ARHGAP18: variants seen among roughly 807,000 people sequenced by gnomAD.
The protein encoded by ARHGAP18 is rho GTPase-activating protein 18.
A neutral mutation model predicts 86.2 loss-of-function variants in ARHGAP18; 67 were observed. The ratio of observed to expected loss-of-function variants is 0.78; its 90% CI spans 0.64 to 0.95. ARHGAP18 has a LOEUF of 0.95. ARHGAP18 is among the 40% of genes least tolerant of loss of function. The pLI is 0.00. For synonymous variants in ARHGAP18, 283 were observed against 280.4 expected, an observed-to-expected ratio of 1.01 and a Z score of -0.09; for missense variants, 691 against 780.4, an observed-to-expected ratio of 0.89 and a Z score of 1.37.
At chr6:129,655,042 C>G (rs866768974) in intron 1 of ARHGAP18, among the ~76,000 whole-genome samples, 1 of 152,064 alleles carries the variant, frequency 6.6e-6, no homozygotes, top group Non-Finnish European at 1.5e-5. Context: ...GAGGCTCGGC[C>G]GGGTGCGGTG....
chr6:129,638,630 C>CT lies in ARHGAP18; in HGVS notation c.317-2dup. 1.2e-6 allele frequency: 2 copies of CT among 1,610,936 alleles called. No individual in the cohort carries two copies. Among genetic ancestry groups the CT allele is most frequent in the Non-Finnish European group, 1.7e-6 (2 of 1,179,040 alleles). ...AGCCACTCTTCTTCCAATTCTCCCT[C>CT]TAAGACAGTAGAGAAAAGTGGTACT... On this transcript the variant is annotated splice_acceptor_variant, in intron 2 of 14. Coordinates refer to ENST00000368149, the MANE Select transcript of ARHGAP18 (RefSeq NM_033515.3). LOFTEE classifies it high-confidence loss of function.
chr6:129,628,667 A>G (rs541037232), intron 5 of ARHGAP18, among the ~76,000 whole-genome samples: 2 of 152,308 alleles, frequency 1.3e-5, no homozygotes, highest in South Asian at 2.1e-4. Flanking sequence ...CTAAAAATGT[A>G]TAACTTGAAT....
intron 5 of ARHGAP18, among the ~76,000 whole-genome samples, chr6:129,625,940 T>TTA (rs1214132836): frequency 1.2e-3 from 94 of 81,268 alleles, no homozygotes; most frequent in African/African-American, 3.9e-3. Flanking sequence ...ATATTATATA[T>TTA]TATATATTTA....
chr6:129,707,341 A>C (rs1774817657), intron 1 of ARHGAP18, among the ~76,000 whole-genome samples: 1 of 152,266 alleles, frequency 6.6e-6, no homozygotes, highest in South Asian at 2.1e-4. Flanking sequence ...ATTGGATTAA[A>C]TATTTCAAAG....
chr6:129,607,854 A>G (rs13212618), intron 9 of ARHGAP18, 39 bp downstream of exon 9: 6 of 1,542,560 alleles, frequency 3.9e-6, no homozygotes, highest in Non-Finnish European at 4.4e-6. Flanking sequence ...CATAGATGGC[A>G]CCAGCAGAAG....
rs1788341940 is a variant in ARHGAP18, at chr6:129,584,055, T to C, written c.1771A>G (p.Met591Val). 2 of 1,613,606 alleles carry C rather than the reference T, an allele frequency of 1.2e-6. 1 individual carries two copies. The highest frequency in any genetic ancestry group is 2.2e-5 in the South Asian group (2 of 91,084). Reference protein sequence around the residue: ...VQAPHLSKVSMAIQLTEELKA... With the variant: ...VQAPHLSKVSVAIQLTEELKA... ...AGTTCTTCAGTTAGCTGTATTGCCATGGAAACTTTCGAAAGATGGGGAGCT... is the reference window on the plus strand; with the variant it reads ...AGTTCTTCAGTTAGCTGTATTGCCACGGAAACTTTCGAAAGATGGGGAGCT... The change falls in exon 13 of 15, where the codon ATG (methionine) becomes GTG (valine). Residue 591 changes from methionine to valine, a missense_variant. Met to Val is a conservative substitution (Grantham distance 21, BLOSUM62 1). Coordinates refer to ENST00000368149, the MANE Select transcript of ARHGAP18 (RefSeq NM_033515.3).
intron 12 of ARHGAP18, among the ~76,000 whole-genome samples, chr6:129,594,426 G>A (rs1299952798): frequency 6.6e-6 from 1 of 151,960 alleles, no homozygotes; most frequent in Non-Finnish European, 1.5e-5. Flanking sequence ...CTTCTTGAAT[G>A]GCCCATACTT....
At position 129,710,115 on chromosome 6, in the gene ARHGAP18, G is replaced by A; in HGVS notation, c.22C>T (p.Gln8Ter). 1 of 1,613,676 alleles carries A rather than the reference G, an allele frequency of 6.2e-7. No individual in the cohort carries two copies. Among genetic ancestry groups the A allele is most frequent in the Non-Finnish European group, 8.5e-7 (1 of 1,179,734 alleles). The stretch of plus-strand genomic sequence containing the variant: ...TGGTAGGCTGTTAGTACCACTCCCT[G>A]GGAACTGGAGAGCCAGCTCATGGTG... MSWLSSS[Q>*]GVVLTAYHPS... is the part of the protein sequence containing the mutation. Residue 8 changes from glutamine (Q) to a stop codon, truncating the protein, a stop_gained, in exon 1 of 15, where the codon CAG becomes TAG. Transcript: ENST00000368149. LOFTEE classifies it high-confidence loss of function.
intron 7 of ARHGAP18, among the ~76,000 whole-genome samples, chr6:129,615,286 A>G (rs971382527): frequency 3.3e-5 from 5 of 152,226 alleles, no homozygotes; most frequent in African/African-American, 1.2e-4. Flanking sequence ...TTCTGCATGC[A>G]GTGGCTAAAA....
chr6:129,623,006 CAAAAAAAAAAA>C (rs57274879), intron 5 of ARHGAP18, among the ~76,000 whole-genome samples: 880 of 39,758 alleles, frequency 0.022, 21 homozygotes, highest in African/African-American at 0.051. Context: ...CATCTCAAAA[CAAAAAAAAAAA>C]AAAAAAAAAA....
At chr6:129,661,688 T>C (rs547400051) in intron 1 of ARHGAP18, among the ~76,000 whole-genome samples, 2 of 152,198 alleles carry the variant, frequency 1.3e-5, no homozygotes, top group African/African-American at 2.4e-5. Flanking sequence ...TCTAAGAAGA[T>C]TTCCAGCTGT....
chr6:129,669,464 G>C (rs1275649970), intron 1 of ARHGAP18, among the ~76,000 whole-genome samples: 2 of 144,816 alleles, frequency 1.4e-5, no homozygotes, highest in South Asian at 5.1e-4. Flanking sequence ...GAGCCACCGC[G>C]CCCGGCCCTA....
At position 129,709,437 on chromosome 6, in the gene ARHGAP18, C is replaced by A. The variant is rs545408389; in HGVS notation, c.113+587G>T. 1.3e-4 allele frequency among the ~76,000 whole-genome samples: 20 copies of A among 152,326 alleles called. 2 individuals carry two copies. The highest frequency in any genetic ancestry group is 4.6e-4 in the African/African-American group (19 of 41,566). On this transcript the variant is annotated intron_variant, in intron 1 of 14. Coordinates refer to ENST00000368149, the MANE Select transcript of ARHGAP18 (RefSeq NM_033515.3). The stretch of plus-strand genomic sequence containing the variant: ...TTTCACTCCAGCAGCAGAGTGCTAT[C>A]TCCTGACAAAAACTCCTTTTTGAAA...
intron 7 of ARHGAP18, 94 bp downstream of exon 7, chr6:129,616,118 T>C (rs1008763609): frequency 2.2e-5 from 22 of 981,412 alleles, no homozygotes; most frequent in South Asian, 4.8e-5. Context: ...TGACAGTATA[T>C]GAATTGGAAA....
In ARHGAP18 at chr6:129,625,079, TATG is replaced by T. The variant is rs1475549578; in HGVS notation, c.786+4271_786+4273del. Among the ~76,000 whole-genome samples, 5 of 102,750 alleles carry T rather than the reference TATG, an allele frequency of 4.9e-5. 1 individual carries two copies. Among genetic ancestry groups the T allele is most frequent in the Non-Finnish European group, 9.0e-5 (5 of 55,688 alleles). The allele number at this position is 102,750 out of a possible 152,430, so 67.4% of individuals were successfully genotyped here. A position where few individuals can be genotyped will look rare whatever the true frequency, so the allele number is the denominator to read the frequency against. The stretch of plus-strand genomic sequence containing the variant: ...TTGATATATATTTATATATAATATA[TATG>T]ATATATGATATATGATATATATTAT... On this transcript the variant is annotated intron_variant, in intron 5 of 14. Coordinates refer to ENST00000368149, the MANE Select transcript of ARHGAP18 (RefSeq NM_033515.3).
At chr6:129,679,762 C>T (rs1455874088) in intron 1 of ARHGAP18, among the ~76,000 whole-genome samples, 5 of 152,212 alleles carry the variant, frequency 3.3e-5, no homozygotes, top group Non-Finnish European at 7.3e-5. Context: ...GCATTGGTTT[C>T]ATGTGGCTGC....
rs12176122 is a variant in ARHGAP18 at position 129,695,456 on chromosome 6, G to A, written c.113+14568C>T. Among the ~76,000 whole-genome samples, 5 of 152,290 alleles carry A rather than the reference G, an allele frequency of 3.3e-5. No individual in the cohort carries two copies. In the East Asian group the frequency reaches 9.6e-4, roughly 29 times the overall value. On this transcript the variant is annotated intron_variant, in intron 1 of 14. Transcript: ENST00000368149. ...GATTAACAAAGTATTAGTCTCTCCT[G>A]AGATGTGTAAATAGCTATAAGAATG...
At chr6:129,587,352 G>A (rs984243599) in intron 12 of ARHGAP18, among the ~76,000 whole-genome samples, 8 of 152,176 alleles carry the variant, frequency 5.3e-5, no homozygotes, top group African/African-American at 1.9e-4. Flanking sequence ...TCTGTAGAGA[G>A]CCAAAGAGAA....
intron 10 of ARHGAP18, among the ~76,000 whole-genome samples, chr6:129,601,967 A>C (rs1403548793): frequency 1.3e-5 from 2 of 152,140 alleles, no homozygotes; most frequent in Non-Finnish European, 2.9e-5. Flanking sequence ...GAAACTTTTC[A>C]TCAGAACAGG....
Sources: allele counts gnomAD v4.1 joint callset (sites outside exome capture counted in the v4.1 genomes callset), GRCh38; gene constraint gnomAD v4.1.1; transcripts MANE v1.5; gene names NCBI Gene and HGNC (gene_info 2026-07-23, HGNC 2026-07-21).